Variants in FOXN3 observed in about 807,000 individuals in gnomAD.
FOXN3 encodes forkhead box protein N3.
In FOXN3, 7 loss-of-function variants were observed where a neutral mutation model predicts 38.4. That is an observed-to-expected ratio of 0.18 (90% confidence interval 0.10 to 0.34). The LOEUF (loss-of-function observed/expected upper bound fraction) is 0.34, where lower values mean the gene tolerates loss of function less well. Ranked by LOEUF, FOXN3 falls within the 10% of genes least tolerant of loss-of-function variation. The pLI is 1.00. For synonymous variants in FOXN3, 230 were observed against 242.2 expected (o/e 0.95, Z 0.47); for missense variants, 456 against 613.4 (o/e 0.74, Z 2.71).
chr14:89,512,997 G>A (rs961505968), intron 1 of FOXN3, among the ~76,000 whole-genome samples: 4 of 151,738 alleles, frequency 2.6e-5, no homozygotes, highest in African/African-American at 4.8e-5. Context: ...AACATTAGCC[G>A]GACGCAGTGG....
At chr14:89,167,273 G>A (rs1435221142) in intron 5 of FOXN3, among the ~76,000 whole-genome samples, 3 of 152,324 alleles carry the variant, frequency 2.0e-5, no homozygotes, top group South Asian at 2.1e-4. Flanking sequence ...GTAGGTTTAC[G>A]ACATGGCCAT....
intron 1 of FOXN3, among the ~76,000 whole-genome samples, chr14:89,432,037 A>G (rs767134359): frequency 1.1e-4 from 17 of 152,190 alleles, no homozygotes; most frequent in Non-Finnish European, 1.9e-4. Flanking sequence ...TTTTATAATC[A>G]AACAATATGT....
chr14:89,183,513 T>A (rs1401945956), intron 4 of FOXN3, among the ~76,000 whole-genome samples: 2 of 151,916 alleles, frequency 1.3e-5, no homozygotes, highest in East Asian at 3.9e-4. Context: ...AAATATACTA[T>A]GGTACATGCT....
intron 4 of FOXN3, among the ~76,000 whole-genome samples, chr14:89,246,899 C>A (rs1885316329): frequency 2.6e-5 from 4 of 152,148 alleles, no homozygotes; most frequent in Admixed American, 2.6e-4. Flanking sequence ...AAGTTCAGAT[C>A]TGGATTACTA....
chr14:89,354,011 T>A (rs1889089790), intron 2 of FOXN3, among the ~76,000 whole-genome samples: 1 of 151,930 alleles, frequency 6.6e-6, no homozygotes, highest in Non-Finnish European at 1.5e-5. Context: ...AGTAGTAAAA[T>A]GGTTTACTTG....
chr14:89,453,732 G>A (rs1324208398), intron 1 of FOXN3, among the ~76,000 whole-genome samples: 1 of 152,162 alleles, frequency 6.6e-6, no homozygotes, highest in Non-Finnish European at 1.5e-5. Context: ...AGGCACTCTT[G>A]TTTTGGTGGG....
At chr14:89,422,237 G>A (rs928928682) in intron 1 of FOXN3, among the ~76,000 whole-genome samples, 6 of 152,208 alleles carry the variant, frequency 3.9e-5, no homozygotes, top group Admixed American at 3.3e-4. Flanking sequence ...TCTCAAACTC[G>A]TGTATGCATA....
chr14:89,290,180 G>A, intron 3 of FOXN3: 1 of 205,380 alleles, frequency 4.9e-6, no homozygotes, highest in Non-Finnish European at 1.0e-5. Context: ...TTGTTTGATG[G>A]AGGGACTCAG....
At chr14:89,259,103 C>A (rs966580774) in intron 4 of FOXN3, among the ~76,000 whole-genome samples, 6 of 152,220 alleles carry the variant, frequency 3.9e-5, no homozygotes, top group Admixed American at 3.3e-4. Context: ...CAGACCCAGT[C>A]ACTCAGAGAC....
intron 3 of FOXN3, chr14:89,284,624 G>C (rs559428935): frequency 4.4e-6 from 2 of 454,408 alleles, no homozygotes; most frequent in Non-Finnish European, 8.8e-6. Flanking sequence ...AAAGACACGC[G>C]GGCTCCTATT....
chr14:89,561,718 G>A (rs1895252379), intron 1 of FOXN3, among the ~76,000 whole-genome samples: 1 of 151,990 alleles, frequency 6.6e-6, no homozygotes, highest in African/African-American at 2.4e-5. Context: ...GAGTTCCAGG[G>A]GGGTTATGTT....
chr14:89,518,351 C>T (rs1267120009), intron 1 of FOXN3, among the ~76,000 whole-genome samples: 1 of 152,182 alleles, frequency 6.6e-6, no homozygotes, highest in Non-Finnish European at 1.5e-5. Flanking sequence ...TCCCTTGAAC[C>T]TCTCATACCA....
rs577603171 is a variant in FOXN3 at position 89,368,616 on chromosome 14, G to A, written c.544-17808C>T. The stretch of plus-strand genomic sequence containing the variant: ...AGCCATGATTGTGCCACTGCACTCC[G>A]GCTTGGGTGACAGAGTGAGACCCTG... On this transcript the variant is annotated intron_variant, in intron 2 of 5. Coordinates refer to ENST00000557258, the MANE Select transcript of FOXN3 (RefSeq NM_005197.4). Among the ~76,000 whole-genome samples, 11 of 152,258 alleles carry A rather than the reference G, an allele frequency of 7.2e-5. No individual in the cohort carries two copies. In the South Asian group the frequency reaches 8.3e-4, roughly 11 times the overall value.
At chr14:89,441,242 T>C (rs1387213056) in intron 1 of FOXN3, among the ~76,000 whole-genome samples, 1 of 152,094 alleles carries the variant, frequency 6.6e-6, no homozygotes, top group Non-Finnish European at 1.5e-5. Context: ...ATCTGCATAA[T>C]GCTTTGTGAC....
chr14:89,174,372 T>C (rs965080073), intron 5 of FOXN3, among the ~76,000 whole-genome samples: 2 of 152,200 alleles, frequency 1.3e-5, no homozygotes, highest in Non-Finnish European at 2.9e-5. Context: ...CTAAGAGTTC[T>C]AACTCAGTGG....
At chr14:89,407,096 A>G (rs1216900331) in intron 2 of FOXN3, among the ~76,000 whole-genome samples, 1 of 151,844 alleles carries the variant, frequency 6.6e-6, no homozygotes, top group Non-Finnish European at 1.5e-5. Flanking sequence ...CAAGAGGGGG[A>G]TGACCAGGCT....
chr14:89,371,736 G>C (rs1176403090), intron 2 of FOXN3, among the ~76,000 whole-genome samples: 1 of 152,108 alleles, frequency 6.6e-6, no homozygotes, highest in Non-Finnish European at 1.5e-5. Flanking sequence ...AGCAAGCAGA[G>C]AGGGGAGGAG....
intron 1 of FOXN3, among the ~76,000 whole-genome samples, chr14:89,513,543 C>A (rs978410810): frequency 2.6e-5 from 4 of 151,930 alleles, no homozygotes; most frequent in African/African-American, 9.7e-5. Flanking sequence ...CTGCACCCAG[C>A]CCATTGTGTT....
chr14:89,309,589 A>T (rs1473330527), intron 3 of FOXN3, among the ~76,000 whole-genome samples: 1 of 152,218 alleles, frequency 6.6e-6, no homozygotes, highest in Non-Finnish European at 1.5e-5. Context: ...GCAGAGGCTG[A>T]GGGGGAGATG....
Sources: gnomAD v4.1 joint callset for allele counts (sites outside exome capture counted in the v4.1 genomes callset) on GRCh38, gnomAD v4.1.1 for gene constraint, MANE v1.5 for transcripts, NCBI Gene and HGNC (gene_info 2026-07-23, HGNC 2026-07-21) for gene names.